The following HIPK2 variants were observed in gnomAD, a reference collection of about 807,000 sequenced individuals.
HIPK2 encodes the protein homeodomain-interacting protein kinase 2.
Under a neutral mutation model 113.7 loss-of-function variants are expected in HIPK2, and 27 were observed. The observed-to-expected ratio is 0.24, with a 90% CI of 0.17 to 0.33. The LOEUF is 0.33. Ranked by LOEUF, HIPK2 falls within the 10% of genes least tolerant of loss-of-function variation. The probability of loss-of-function intolerance (pLI) is 1.00; values close to 1 mark genes in which losing one functional copy is unlikely to be tolerated. For synonymous variants in HIPK2, 631 were observed against 642.2 expected (o/e 0.98, Z 0.26); for missense variants, 1,257 against 1,588.0 (o/e 0.79, Z 3.54).
chr7:139,605,935 T>C (rs1260502402), intron 9 of HIPK2, among the ~76,000 whole-genome samples: 1 of 152,248 alleles, frequency 6.6e-6, no homozygotes, highest in Non-Finnish European at 1.5e-5. Context: ...GTAAGGTTTC[T>C]ACTGACTTAG....
intron 1 of HIPK2, among the ~76,000 whole-genome samples, chr7:139,732,972 G>A (rs963492286): frequency 2.6e-5 from 4 of 151,808 alleles, no homozygotes; most frequent in Non-Finnish European, 5.9e-5. Context: ...TCTCAAGAAT[G>A]GTTTAGCACC....
At chr7:139,589,567 A>G (rs1423296180) in intron 12 of HIPK2, among the ~76,000 whole-genome samples, 2 of 152,208 alleles carry the variant, frequency 1.3e-5, no homozygotes, top group Non-Finnish European at 2.9e-5. Flanking sequence ...TTTTCTAACA[A>G]CTAGAACTAT....
intron 12 of HIPK2, among the ~76,000 whole-genome samples, chr7:139,587,608 A>G (rs1196366030): frequency 6.6e-6 from 1 of 152,120 alleles, no homozygotes; most frequent in Non-Finnish European, 1.5e-5. Context: ...ATCCAGTACA[A>G]GAATTACAAA....
At chr7:139,732,036 A>C (rs901944227) in intron 1 of HIPK2, among the ~76,000 whole-genome samples, 1 of 152,176 alleles carries the variant, frequency 6.6e-6, no homozygotes, top group African/African-American at 2.4e-5. Flanking sequence ...AAAAGGAAAA[A>C]GAAACTAAAG....
chr7:139,777,537 G>C lies in HIPK2; in HGVS notation c.19+68C>G, dbSNP rs925602834. The C allele has an allele frequency of 6.7e-6, 5 of 741,636 alleles. No homozygotes were observed. The African/African-American group carries it at 7.6e-5, about 11-fold the overall frequency. 45.9% of individuals were successfully genotyped at this position (741,636 alleles called of 1,614,324 possible). A position where few individuals can be genotyped will look rare whatever the true frequency, so the allele number is the denominator to read the frequency against. On this transcript the variant is annotated intron_variant, in intron 1 of 14. Coordinates refer to ENST00000406875, the MANE Select transcript of HIPK2 (RefSeq NM_022740.5). ...GGGGGCTGCGGGCGCGGGGCCGCGG[G>C]CAGAACAAAGCTGCGGGGGCCGCGG...
intron 2 of HIPK2, among the ~76,000 whole-genome samples, chr7:139,657,241 C>G (rs1403498271): frequency 6.6e-6 from 1 of 152,206 alleles, no homozygotes; most frequent in Admixed American, 6.5e-5. Flanking sequence ...TAGTCAAGAG[C>G]CTTGGACTGC....
At chr7:139,770,812 C>G (rs995526652) in intron 1 of HIPK2, among the ~76,000 whole-genome samples, 1 of 152,210 alleles carries the variant, frequency 6.6e-6, no homozygotes, top group African/African-American at 2.4e-5. Context: ...GGCAAAAGTA[C>G]TTAGGCAAGA....
At chr7:139,694,425 C>T (rs990606119) in intron 2 of HIPK2, among the ~76,000 whole-genome samples, 1 of 151,916 alleles carries the variant, frequency 6.6e-6, no homozygotes, top group Non-Finnish European at 1.5e-5. Context: ...CGGCTCAGAG[C>T]TCCGACAGGT....
chr7:139,764,317 A>C (rs1047503722), intron 1 of HIPK2, among the ~76,000 whole-genome samples: 12 of 152,368 alleles, frequency 7.9e-5, no homozygotes, highest in African/African-American at 2.9e-4. Flanking sequence ...CTCCCTTAGG[A>C]GTAATGATTC....
At chr7:139,747,885 C>T (rs767790196) in intron 1 of HIPK2, among the ~76,000 whole-genome samples, 3 of 152,158 alleles carry the variant, frequency 2.0e-5, no homozygotes, top group Admixed American at 6.5e-5. Flanking sequence ...GTTCCTCGGC[C>T]CCACTGGCCA....
At position 139,613,262 on chromosome 7, in the gene HIPK2, G is replaced by A; in HGVS notation, c.2052C>T (p.Pro684=). The A allele has an allele frequency of 6.2e-7, 1 of 1,613,822 alleles. No individual in the cohort carries two copies. The highest frequency in any genetic ancestry group is 8.5e-7 in the Non-Finnish European group (1 of 1,179,814). The part of the protein sequence containing the change: ...GYSVRMENAV[P]IVTQAPGAQP... Reference sequence around the variant, plus strand: ...GAGCTCCTGGGGCTTGAGTGACGATGGGAACTGCATTTTCCATTCGCACCG... The same window carrying A: ...GAGCTCCTGGGGCTTGAGTGACGATAGGAACTGCATTTTCCATTCGCACCG... Residue 684 remains proline (P), a synonymous_variant, in exon 9 of 15, where the codon CCC becomes CCT. Coordinates refer to ENST00000406875, the MANE Select transcript of HIPK2 (RefSeq NM_022740.5). The surrounding 1 kb of genome is among the most constrained non-coding windows in gnomAD (Gnocchi z 4.2).
rs565213758 is a variant in HIPK2 at position 139,776,662 on chromosome 7, TC to T, written c.19+942del. 1.5e-3 allele frequency among the ~76,000 whole-genome samples: 235 copies of T among 152,278 alleles called. 1 individual carries two copies. Among genetic ancestry groups the T allele is most frequent in the African/African-American group, 5.4e-3 (225 of 41,548 alleles). ...TGTGAAGGCTGCGATTTCAATGATT[TC>T]ATGAGACAAACATTTACACGATGAA... On this transcript the variant is annotated intron_variant, in intron 1 of 14. Coordinates refer to ENST00000406875, the MANE Select transcript of HIPK2 (RefSeq NM_022740.5).
chr7:139,578,274 C>G (rs550952830), intron 13 of HIPK2, among the ~76,000 whole-genome samples: 1 of 152,268 alleles, frequency 6.6e-6, no homozygotes, highest in East Asian at 1.9e-4. Context: ...TCCCAAACTG[C>G]TGGGATTATA....
intron 1 of HIPK2, among the ~76,000 whole-genome samples, chr7:139,741,536 G>A (rs759925353): frequency 4.0e-4 from 61 of 152,310 alleles, no homozygotes; most frequent in African/African-American, 1.3e-3. Context: ...ACAGTTTGAC[G>A]CGGTGGGGAT....
intron 1 of HIPK2, among the ~76,000 whole-genome samples, chr7:139,765,433 C>T (rs1796537379): frequency 6.6e-6 from 1 of 152,202 alleles, no homozygotes; most frequent in African/African-American, 2.4e-5. Context: ...ATATCCACTT[C>T]CATTTCCTTC....
At chr7:139,715,240 T>C (rs1405639309) in intron 2 of HIPK2, among the ~76,000 whole-genome samples, 6 of 152,124 alleles carry the variant, frequency 3.9e-5, no homozygotes, top group African/African-American at 1.2e-4. Flanking sequence ...CTGAACACAC[T>C]TCCCTGCCAC....
intron 2 of HIPK2, among the ~76,000 whole-genome samples, chr7:139,667,472 C>A: frequency 6.6e-6 from 1 of 152,146 alleles, no homozygotes; most frequent in Non-Finnish European, 1.5e-5. Context: ...AAGAACTGTA[C>A]ACATACATAG....
intron 1 of HIPK2, among the ~76,000 whole-genome samples, chr7:139,717,773 T>A (rs1304958592): frequency 6.6e-6 from 1 of 152,206 alleles, no homozygotes; most frequent in Non-Finnish European, 1.5e-5. Flanking sequence ...AGACCGAGTC[T>A]CGCTCTTGTC....
chr7:139,721,829 T>C (rs1392082975), intron 1 of HIPK2, among the ~76,000 whole-genome samples: 1 of 151,964 alleles, frequency 6.6e-6, no homozygotes, highest in Non-Finnish European at 1.5e-5. Flanking sequence ...GAGGTCACGG[T>C]AGGATAAATC....
Sources: allele counts gnomAD v4.1 joint callset (sites outside exome capture counted in the v4.1 genomes callset), GRCh38; gene constraint gnomAD v4.1.1; non-coding constraint Gnocchi (gnomAD v3.1); transcripts MANE v1.5; gene names NCBI Gene and HGNC (gene_info 2026-07-23, HGNC 2026-07-21).